The following SH3RF3 variants were observed in gnomAD, a reference collection of about 807,000 sequenced individuals.
The protein encoded by SH3RF3 is E3 ubiquitin-protein ligase SH3RF3.
In SH3RF3, 29 loss-of-function variants were observed where a neutral mutation model predicts 66.3. That is an observed-to-expected ratio of 0.44 (90% CI 0.33 to 0.60). The LOEUF (loss-of-function observed/expected upper bound fraction) is 0.60. Among genes scored for constraint, SH3RF3 ranks in the 20% least tolerant of loss-of-function variants. The pLI is 0.04. For missense variants in SH3RF3, 1,194 were observed against 1,190.9 expected, an observed-to-expected ratio of 1.00 and a Z score of -0.04; for synonymous variants, 583 against 532.0, an observed-to-expected ratio of 1.10 and a Z score of -1.32.
chr2:109,480,072 A>G (rs1678795595), intron 8 of SH3RF3, among the ~76,000 whole-genome samples: 1 of 152,202 alleles, frequency 6.6e-6, no homozygotes. Flanking sequence ...AAAGGACCCC[A>G]TCCTGGCACT....
chr2:109,209,291 G>A (rs993362508), intron 1 of SH3RF3, among the ~76,000 whole-genome samples: 8 of 152,140 alleles, frequency 5.3e-5, no homozygotes, highest in African/African-American at 1.9e-4. Context: ...CAGGTCCTGC[G>A]CGGGTGATTT....
At chr2:109,501,084 C>T (rs986247599) in intron 9 of SH3RF3, among the ~76,000 whole-genome samples, 8 of 152,180 alleles carry the variant, frequency 5.3e-5, no homozygotes, top group African/African-American at 1.9e-4. Flanking sequence ...GAGGTGAGGA[C>T]ACGAGCCCAG....
At chr2:109,283,711 T>G (rs1461585390) in intron 1 of SH3RF3, among the ~76,000 whole-genome samples, 1 of 152,110 alleles carries the variant, frequency 6.6e-6, no homozygotes, top group African/African-American at 2.4e-5. Flanking sequence ...AATTTGAGAA[T>G]TGGGGATGCT....
At chr2:109,219,006 T>G (rs1054872510) in intron 1 of SH3RF3, among the ~76,000 whole-genome samples, 1 of 152,260 alleles carries the variant, frequency 6.6e-6, no homozygotes, top group African/African-American at 2.4e-5. Flanking sequence ...TTATGGGCAC[T>G]GACCTCTCTT....
chr2:109,438,446 G>C (rs1487896332), intron 7 of SH3RF3, among the ~76,000 whole-genome samples: 1 of 152,138 alleles, frequency 6.6e-6, no homozygotes, highest in South Asian at 2.1e-4. Flanking sequence ...TCAAGCAGTG[G>C]GTAATTTAGC....
At chr2:109,284,698 G>A (rs924579828) in intron 1 of SH3RF3, among the ~76,000 whole-genome samples, 17 of 152,298 alleles carry the variant, frequency 1.1e-4, no homozygotes, top group African/African-American at 4.1e-4. Flanking sequence ...ACCCTTCCCA[G>A]TCTAGGCCAG....
intron 1 of SH3RF3, among the ~76,000 whole-genome samples, chr2:109,165,787 G>A (rs1009838422): frequency 6.6e-6 from 1 of 152,188 alleles, no homozygotes; most frequent in Middle Eastern, 3.4e-3. Flanking sequence ...TCATCATTTA[G>A]CATGAGTGTG....
At chr2:109,298,890 A>G (rs1273736124) in intron 1 of SH3RF3, among the ~76,000 whole-genome samples, 3 of 152,222 alleles carry the variant, frequency 2.0e-5, no homozygotes, top group Non-Finnish European at 2.9e-5. Context: ...TTGAAAGGGA[A>G]GGCAGATCAT....
chr2:109,420,502 A>G (rs775060750), intron 5 of SH3RF3, among the ~76,000 whole-genome samples: 2 of 151,936 alleles, frequency 1.3e-5, no homozygotes, highest in Admixed American at 1.3e-4. Flanking sequence ...CTGGAGTGCA[A>G]TGGCGCGATC....
At chr2:109,164,857 A>C (rs1004600537) in intron 1 of SH3RF3, among the ~76,000 whole-genome samples, 1 of 152,178 alleles carries the variant, frequency 6.6e-6, no homozygotes, top group Non-Finnish European at 1.5e-5. Context: ...GTTTCTAATC[A>C]AGGCTGCAAG....
intron 3 of SH3RF3, among the ~76,000 whole-genome samples, chr2:109,376,779 G>A (rs1201252717): frequency 1.3e-5 from 2 of 152,218 alleles, no homozygotes; most frequent in Non-Finnish European, 2.9e-5. Context: ...CACCCCACAC[G>A]TGCATGTGGT....
chr2:109,189,622 C>T (rs1456316052), intron 1 of SH3RF3, among the ~76,000 whole-genome samples: 2 of 152,116 alleles, frequency 1.3e-5, no homozygotes, highest in East Asian at 3.9e-4. Flanking sequence ...CCTCCTTGGC[C>T]TCCCAAAGTG....
intron 1 of SH3RF3, among the ~76,000 whole-genome samples, chr2:109,243,374 T>A (rs1233030226): frequency 6.6e-6 from 1 of 152,236 alleles, no homozygotes; most frequent in Non-Finnish European, 1.5e-5. Flanking sequence ...TTACCAGATA[T>A]TCCCGGGGCA....
chr2:109,251,693 G>T, intron 1 of SH3RF3: 1 of 1,009,446 alleles, frequency 9.9e-7, no homozygotes. Context: ...CTCTTCATAG[G>T]TTCTATTTTA....
At chr2:109,325,611 AACTC>A (rs1348681976) in intron 1 of SH3RF3, among the ~76,000 whole-genome samples, 6 of 152,026 alleles carry the variant, frequency 3.9e-5, no homozygotes, top group Non-Finnish European at 8.8e-5. Context: ...ACAGTTACAG[AACTC>A]ACTCACCACT....
chr2:109,249,538 TCC>T (rs1170858698), intron 1 of SH3RF3, among the ~76,000 whole-genome samples: 8 of 112,296 alleles, frequency 7.1e-5, no homozygotes, highest in South Asian at 3.0e-4. Flanking sequence ...TTTCTTTCCT[TCC>T]TTCCTTCCTT....
chr2:109,467,718 G>A (rs1427438378), intron 8 of SH3RF3, among the ~76,000 whole-genome samples: 2 of 152,224 alleles, frequency 1.3e-5, no homozygotes, highest in Non-Finnish European at 2.9e-5. Flanking sequence ...ATCTATTTGA[G>A]GATGAGCGTT....
At chr2:109,266,035 T>A (rs1166685117) in intron 1 of SH3RF3, among the ~76,000 whole-genome samples, 1 of 152,018 alleles carries the variant, frequency 6.6e-6, no homozygotes, top group Non-Finnish European at 1.5e-5. Context: ...TATATGTGTA[T>A]TCGGTGTGTT....
chr2:109,211,352 C>T (rs989724818), intron 1 of SH3RF3, among the ~76,000 whole-genome samples: 1 of 152,204 alleles, frequency 6.6e-6, no homozygotes, highest in African/African-American at 2.4e-5. Flanking sequence ...CAACAGTAAA[C>T]AGCAATTTAA....
Sources: gnomAD v4.1 joint callset for allele counts (sites outside exome capture counted in the v4.1 genomes callset) on GRCh38, gnomAD v4.1.1 for gene constraint, MANE v1.5 for transcripts, NCBI Gene and HGNC (gene_info 2026-07-23, HGNC 2026-07-21) for gene names.